The following DGKI variants were observed in gnomAD, a reference collection of about 807,000 sequenced individuals.
DGKI encodes the protein diacylglycerol kinase iota, also known as DAG kinase iota.
A neutral mutation model predicts 147.5 loss-of-function variants in DGKI; 55 were observed. The observed-to-expected ratio is 0.37, with a 90% CI of 0.30 to 0.47. The LOEUF (loss-of-function observed/expected upper bound fraction) is 0.47. Ranked by LOEUF, DGKI falls within the 20% of genes least tolerant of loss-of-function variation. The pLI is 1.00. For synonymous variants in DGKI, 469 were observed against 477.1 expected (o/e 0.98, Z 0.22); for missense variants, 1,007 against 1,323.8 (o/e 0.76, Z 3.71).
At chr7:137,395,747 C>G (rs751098773) in intron 31 of DGKI, 50 bp from the exon 32 acceptor site, 1 of 1,564,862 alleles carries the variant, frequency 6.4e-7, no homozygotes, top group Non-Finnish European at 8.8e-7. Flanking sequence ...TTGGAGGCAG[C>G]AGGGAATGGG....
At chr7:137,539,699 GA>G (rs1024479081) in intron 20 of DGKI, among the ~76,000 whole-genome samples, 1 of 151,186 alleles carries the variant, frequency 6.6e-6, no homozygotes, top group South Asian at 2.1e-4. Context: ...AAAAAAATGG[GA>G]AAAAAAGAGC....
intron 1 of DGKI, among the ~76,000 whole-genome samples, chr7:137,732,687 C>T (rs1794917457): frequency 6.6e-6 from 1 of 152,054 alleles, no homozygotes; most frequent in Non-Finnish European, 1.5e-5. Flanking sequence ...CATTACTCCT[C>T]CATACAAGTA....
At chr7:137,684,627 G>A (rs984411421) in intron 2 of DGKI, among the ~76,000 whole-genome samples, 1 of 152,194 alleles carries the variant, frequency 6.6e-6, no homozygotes, top group African/African-American at 2.4e-5. Flanking sequence ...GAAAATAAAG[G>A]AATGGTGAGA....
rs1342536088 is a variant in DGKI at position 137,466,901 on chromosome 7, C to G, written c.2484+1G>C. 6.2e-7 allele frequency: 1 copy of G among 1,614,058 alleles called. No homozygotes were observed. The highest frequency in any genetic ancestry group is 8.5e-7 in the Non-Finnish European group (1 of 1,179,978). On this transcript the variant is annotated splice_donor_variant, in intron 25 of 32. Transcript: ENST00000614521. LOFTEE classifies it high-confidence loss of function. ...CACAAGCAGGCTGGAAAAAAACTTA[C>G]CTGAGATCTGTCTATTCGATAAAAG...
chr7:137,441,808 C>G (rs576638599), intron 28 of DGKI, among the ~76,000 whole-genome samples: 1 of 152,218 alleles, frequency 6.6e-6, no homozygotes, highest in South Asian at 2.1e-4. Flanking sequence ...AATTTTCTAC[C>G]AATAAATTTG....
At chr7:137,425,970 ACT>A (rs1255831758) in intron 28 of DGKI, among the ~76,000 whole-genome samples, 4 of 152,232 alleles carry the variant, frequency 2.6e-5, no homozygotes, top group Non-Finnish European at 5.9e-5. Context: ...GTTGGAAAAC[ACT>A]CTGCAGGATA....
At chr7:137,826,489 A>G (rs1265241219) in intron 1 of DGKI, among the ~76,000 whole-genome samples, 2 of 152,212 alleles carry the variant, frequency 1.3e-5, no homozygotes, top group Non-Finnish European at 2.9e-5. Flanking sequence ...CTGTATTTCT[A>G]TTAACTGGTC....
chr7:137,684,838 T>C (rs1401602063), intron 2 of DGKI, among the ~76,000 whole-genome samples: 1 of 152,096 alleles, frequency 6.6e-6, no homozygotes, highest in Non-Finnish European at 1.5e-5. Context: ...TCAGACCTGA[T>C]GAAGAGGGGG....
intron 28 of DGKI, among the ~76,000 whole-genome samples, chr7:137,416,530 A>T (rs1006846397): frequency 6.6e-6 from 1 of 152,174 alleles, no homozygotes; most frequent in African/African-American, 2.4e-5. Flanking sequence ...TTTCACAGGA[A>T]CCACTCCAAG....
intron 28 of DGKI, among the ~76,000 whole-genome samples, chr7:137,428,844 A>T (rs1162849922): frequency 6.6e-6 from 1 of 152,134 alleles, no homozygotes; most frequent in African/African-American, 2.4e-5. Flanking sequence ...CCAACTTACA[A>T]GGGATGCGAA....
chr7:137,424,933 C>T (rs1438457824), intron 28 of DGKI, among the ~76,000 whole-genome samples: 1 of 152,222 alleles, frequency 6.6e-6, no homozygotes, highest in Non-Finnish European at 1.5e-5. Context: ...GGCCTGCCTG[C>T]CTCTGTAGGC....
intron 20 of DGKI, among the ~76,000 whole-genome samples, chr7:137,534,842 A>G (rs1314960264): frequency 3.9e-5 from 6 of 152,152 alleles, no homozygotes; most frequent in Non-Finnish European, 8.8e-5. Flanking sequence ...TCAGAATGTG[A>G]CTGTATTTGG....
intron 24 of DGKI, among the ~76,000 whole-genome samples, chr7:137,467,817 C>T (rs1172072740): frequency 6.6e-6 from 1 of 151,868 alleles, no homozygotes; most frequent in Non-Finnish European, 1.5e-5. Flanking sequence ...TTCATCTCTA[C>T]AAAAACAATT....
chr7:137,800,547 C>A (rs908048477), intron 1 of DGKI, among the ~76,000 whole-genome samples: 2 of 152,204 alleles, frequency 1.3e-5, no homozygotes, highest in African/African-American at 4.8e-5. Flanking sequence ...GAAGCAGATG[C>A]CAGGGCTATG....
At chr7:137,620,469 A>G (rs1820708258) in intron 7 of DGKI, among the ~76,000 whole-genome samples, 1 of 152,122 alleles carries the variant, frequency 6.6e-6, no homozygotes, top group Admixed American at 6.5e-5. Flanking sequence ...AAATCCTCCC[A>G]GGTTGTCTTT....
At chr7:137,505,424 G>T (rs1164946814) in intron 21 of DGKI, among the ~76,000 whole-genome samples, 1 of 152,068 alleles carries the variant, frequency 6.6e-6, no homozygotes, top group Non-Finnish European at 1.5e-5. Flanking sequence ...GTTGTAGTTG[G>T]TTCATGTCAT....
At position 137,638,640 on chromosome 7, in the gene DGKI, A is replaced by ATACACATATATGTATGTATG. The variant is rs1563126060; in HGVS notation, c.804+6831_804+6832insCATACATACATATATGTGTA. On this transcript the variant is annotated intron_variant, in intron 6 of 32. Transcript: ENST00000614521. ...CACACACATATATATGTGTGTATAT[A>ATACACATATATGTATGTATG]TGTGTATGTATATACACACATATGT... Among the ~76,000 whole-genome samples the ATACACATATATGTATGTATG allele has an allele frequency of 9.9e-5, 4 of 40,284 alleles. 1 individual carries two copies. Among genetic ancestry groups the ATACACATATATGTATGTATG allele is most frequent in the Non-Finnish European group, 1.6e-4 (4 of 25,362 alleles). 26.4% of individuals were successfully genotyped at this position (40,284 alleles called of 152,430 possible).
At chr7:137,487,728 T>C (rs1185304341) in intron 21 of DGKI, 39 bp from the exon 22 acceptor site, 2 of 1,576,858 alleles carry the variant, frequency 1.3e-6, no homozygotes, top group Non-Finnish European at 8.7e-7. Flanking sequence ...AAATAACATA[T>C]TTGATTTTTC....
intron 12 of DGKI, among the ~76,000 whole-genome samples, chr7:137,590,698 G>T (rs766757514): frequency 6.2e-4 from 94 of 151,922 alleles, no homozygotes; most frequent in Non-Finnish European, 1.1e-3. Context: ...CTGTGTTGTT[G>T]TTTTTTTTGT....
Sources: allele counts gnomAD v4.1 joint callset (sites outside exome capture counted in the v4.1 genomes callset), GRCh38; gene constraint gnomAD v4.1.1; transcripts MANE v1.5; gene names NCBI Gene and HGNC (gene_info 2026-07-23, HGNC 2026-07-21).